SNX31: variants seen among roughly 807,000 people sequenced by gnomAD.
SNX31 encodes sorting nexin 31, also known as sorting nexin-31.
A neutral mutation model predicts 65.4 loss-of-function variants in SNX31; 58 were observed. The observed-to-expected ratio is 0.89, with a 90% CI of 0.72 to 1.10. SNX31 has a LOEUF of 1.10. SNX31 is among the 50% of genes least tolerant of loss of function. The probability of loss-of-function intolerance (pLI) is 0.00; values close to 1 mark genes in which losing one functional copy is unlikely to be tolerated. For missense variants in SNX31, 523 were observed against 529.7 expected, an observed-to-expected ratio of 0.99 and a Z score of 0.12; for synonymous variants, 181 against 190.1, an observed-to-expected ratio of 0.95 and a Z score of 0.39.
intron 10 of SNX31, among the ~76,000 whole-genome samples, chr8:100,595,131 A>T (rs1259589701): frequency 6.6e-6 from 1 of 152,172 alleles, no homozygotes; most frequent in Non-Finnish European, 1.5e-5. Context: ...ACCAAGATAG[A>T]TCAAATTTGG....
rs1488242201 is a variant in SNX31, at chr8:100,649,630, A to G, written c.-116T>C. 2 of 1,011,626 alleles carry G rather than the reference A, an allele frequency of 2.0e-6. No homozygotes were observed. Among genetic ancestry groups the G allele is most frequent in the Non-Finnish European group, 2.8e-6 (2 of 708,486 alleles). The allele number at this position is 1,011,626 out of a possible 1,614,324, so 62.7% of individuals were successfully genotyped here. ...GCGGCCTGCCACGCGACTCAGAGCG[A>G]ACCCCGGCGCCCGCTCTCGCCGGCC... On this transcript the variant is annotated 5_prime_UTR_variant, in exon 1 of 14. Transcript: ENST00000311812.
rs952381677 is a variant in SNX31 at position 100,613,145 on chromosome 8, T to A, written c.433-60A>T. 7.5e-7 allele frequency: 1 copy of A among 1,336,842 alleles called. No individual in the cohort carries two copies. The highest frequency in any genetic ancestry group is 1.4e-5 in the African/African-American group (1 of 69,320). The allele number at this position is 1,336,842 out of a possible 1,614,324, so 82.8% of individuals were successfully genotyped here. ...AGGTGTGCCCACCATGCATCCTAACTGTGACATGCAGACTTGGAAATGGCC... is the reference window on the plus strand; with the variant it reads ...AGGTGTGCCCACCATGCATCCTAACAGTGACATGCAGACTTGGAAATGGCC... On this transcript the variant is annotated intron_variant, in intron 5 of 13. Transcript: ENST00000311812. The surrounding 1 kb of genome is among the most constrained non-coding windows in gnomAD (Gnocchi z 5.2).
chr8:100,642,697 T>C (rs1819341583), intron 2 of SNX31, among the ~76,000 whole-genome samples: 2 of 152,218 alleles, frequency 1.3e-5, no homozygotes, highest in Non-Finnish European at 2.9e-5. Context: ...TGGGTCTCAG[T>C]ACACAGTTGA....
upstream of SNX31, among the ~76,000 whole-genome samples, chr8:100,653,452 G>A (rs1563593495): frequency 6.6e-6 from 1 of 152,160 alleles, no homozygotes; most frequent in Non-Finnish European, 1.5e-5. Context: ...TCCAATTAGC[G>A]TATCCTTATA....
chr8:100,584,037 TG>T (rs777901892), intron 12 of SNX31, 73 bp downstream of exon 12: 72 of 1,356,480 alleles, frequency 5.3e-5, no homozygotes, highest in Non-Finnish European at 7.2e-5. Flanking sequence ...AGCTCATGAG[TG>T]TAGTTTGGTC....
chr8:100,617,641 G>A lies in SNX31; in HGVS notation c.411C>T (p.Asp137=). The part of the protein sequence containing the change: ...QSIRIEIITS[D]TAERVLEVVS... ...TTACCTCTAGGACTCTTTCAGCAGTGTCTGATGTTATAATTTCGATTCTAA... is the reference window on the plus strand; with the variant it reads ...TTACCTCTAGGACTCTTTCAGCAGTATCTGATGTTATAATTTCGATTCTAA... The change falls in exon 5 of 14, where the codon GAC becomes GAT. Residue 137 remains aspartate (D), a synonymous_variant. Transcript: ENST00000311812. 1 of 1,611,428 alleles carries A rather than the reference G, an allele frequency of 6.2e-7. No individual in the cohort carries two copies.
rs773668325 is a variant in SNX31 at position 100,636,017 on chromosome 8, A to C, written c.142-6T>G. On this transcript the variant is annotated splice_region_variant and splice_polypyrimidine_tract_variant and intron_variant, in intron 2 of 13. Coordinates refer to ENST00000311812, the MANE Select transcript of SNX31 (RefSeq NM_152628.4). ...TTTCCAAAGACCCGCCTTAGCTGAAAGATCCAGGAAACACAGTTAAGGCAG... is the reference window on the plus strand; with the variant it reads ...TTTCCAAAGACCCGCCTTAGCTGAACGATCCAGGAAACACAGTTAAGGCAG... 7 of 1,610,086 alleles carry C rather than the reference A, an allele frequency of 4.3e-6. No homozygotes were observed. In the Admixed American group the frequency reaches 1.2e-4, roughly 27 times the overall value.
intron 9 of SNX31, among the ~76,000 whole-genome samples, chr8:100,598,894 A>G (rs566301482): frequency 6.6e-6 from 1 of 152,202 alleles, no homozygotes; most frequent in Non-Finnish European, 1.5e-5. Context: ...CTGTGTGCCA[A>G]TAAAACTTTA....
intron 4 of SNX31, among the ~76,000 whole-genome samples, chr8:100,620,955 T>C (rs1334918469): frequency 6.6e-6 from 1 of 151,802 alleles, no homozygotes; most frequent in East Asian, 1.9e-4. Context: ...CTATCTCTAC[T>C]AAAAGAAAAA....
rs559315621 is a variant in SNX31, at chr8:100,630,099, A to C, written c.321+228T>G. Among the ~76,000 whole-genome samples the C allele has an allele frequency of 2.0e-5, 3 of 152,358 alleles. No individual in the cohort carries two copies. Among genetic ancestry groups the C allele is most frequent in the East Asian group, 3.9e-4 (2 of 5,194 alleles). Reference sequence around the variant, plus strand: ...ACAGAAAAAGGGATCTACTTAATAAAATGAGCCAAAGGTCAAGTGACACAC... The same window carrying C: ...ACAGAAAAAGGGATCTACTTAATAACATGAGCCAAAGGTCAAGTGACACAC... On this transcript the variant is annotated intron_variant, in intron 4 of 13. Coordinates refer to ENST00000311812, the MANE Select transcript of SNX31 (RefSeq NM_152628.4). The surrounding 1 kb of genome is among the most constrained non-coding windows in gnomAD (Gnocchi z 5.3).
At chr8:100,593,881 C>A (rs1209440470) in intron 10 of SNX31, among the ~76,000 whole-genome samples, 3 of 140,856 alleles carry the variant, frequency 2.1e-5, no homozygotes, top group African/African-American at 5.1e-5. Flanking sequence ...GCATCTATAA[C>A]AGGATTTATC....
In SNX31 at chr8:100,576,690, G is replaced by C. The variant is rs760207285; in HGVS notation, c.1227+329C>G. On this transcript the variant is annotated intron_variant, in intron 13 of 13. Coordinates refer to ENST00000311812, the MANE Select transcript of SNX31 (RefSeq NM_152628.4). The surrounding 1 kb of genome is among the most constrained non-coding windows in gnomAD (Gnocchi z 4.8). ...CAGAGTATACTGCAGAAAACTATGA[G>C]ACCAAAATATACTAGATATGTAACA... 2.0e-5 allele frequency among the ~76,000 whole-genome samples: 3 copies of C among 152,010 alleles called. No individual in the cohort carries two copies. The highest frequency in any genetic ancestry group is 4.8e-5 in the African/African-American group (2 of 41,358).
rs148495785 is a variant in SNX31, at chr8:100,593,194, A to G, written c.978+3445T>C. ...GTGAATTGTATGGTATGTGAATTAT[A>G]TCTCAATAAAGCCGTTATAAAGAAA... is the stretch of plus-strand genomic sequence containing the variant. On this transcript the variant is annotated intron_variant, in intron 10 of 13. Transcript: ENST00000311812. Among the ~76,000 whole-genome samples the G allele has an allele frequency of 4.2e-3, 639 of 152,322 alleles. 4 individuals carry two copies. The highest frequency in any genetic ancestry group is 0.014 in the African/African-American group (571 of 41,548).
At chr8:100,616,936 G>C (rs1002794244) in intron 5 of SNX31, among the ~76,000 whole-genome samples, 1 of 152,144 alleles carries the variant, frequency 6.6e-6, no homozygotes, top group East Asian at 1.9e-4. Context: ...TGGAGGATTA[G>C]AGCTAAAACC....
chr8:100,602,601 T>G (rs1815745154), intron 8 of SNX31, among the ~76,000 whole-genome samples: 1 of 152,186 alleles, frequency 6.6e-6, no homozygotes, highest in African/African-American at 2.4e-5. Context: ...AGAACAAGTA[T>G]AACAATATGC....
At chr8:100,623,921 A>G (rs1156768885) in intron 4 of SNX31, among the ~76,000 whole-genome samples, 2 of 151,594 alleles carry the variant, frequency 1.3e-5, no homozygotes, top group Non-Finnish European at 2.9e-5. Context: ...TGCTATAGGT[A>G]CGGAAGGAGT....
rs1472689972 is a variant in SNX31 at position 100,629,300 on chromosome 8, T to G, written c.321+1027A>C. On this transcript the variant is annotated intron_variant, in intron 4 of 13. Transcript: ENST00000311812. The surrounding 1 kb of genome is among the most constrained non-coding windows in gnomAD (Gnocchi z 5.1). The stretch of plus-strand genomic sequence containing the variant: ...AGGGGGATCATAAGGGAAGAAAAGT[T>G]ACTTTTCATTGTATACGCTTGGCTA... 6.6e-6 allele frequency among the ~76,000 whole-genome samples: 1 copy of G among 152,328 alleles called. No individual in the cohort carries two copies. The highest frequency in any genetic ancestry group is 2.4e-5 in the African/African-American group (1 of 41,566).
upstream of SNX31, among the ~76,000 whole-genome samples, chr8:100,651,992 T>C (rs1179630466): frequency 6.6e-6 from 1 of 152,184 alleles, no homozygotes; most frequent in Non-Finnish European, 1.5e-5. Flanking sequence ...ATTCTTTTTT[T>C]TTTTGAAACA....
rs1475977713 is a variant in SNX31, at chr8:100,613,194, G to C, written c.433-109C>G. 1.2e-6 allele frequency: 1 copy of C among 829,300 alleles called. No individual in the cohort carries two copies. The highest frequency in any genetic ancestry group is 2.1e-5 in the Admixed American group (1 of 46,648). 51.4% of individuals were successfully genotyped at this position (829,300 alleles called of 1,614,324 possible). On this transcript the variant is annotated intron_variant, in intron 5 of 13. Transcript: ENST00000311812. This position sits in a 1 kb window ranked among gnomAD's most constrained non-coding sequence, Gnocchi z 5.2. ...CCGGTACACATCAATAAAAAATGCT[G>C]TCATGGGTTAGTGAACACTCAAAGA... is the stretch of plus-strand genomic sequence containing the variant.
Sources: gnomAD v4.1 joint callset for allele counts (sites outside exome capture counted in the v4.1 genomes callset) on GRCh38, gnomAD v4.1.1 for gene constraint, Gnocchi (gnomAD v3.1) non-coding constraint, MANE v1.5 for transcripts, NCBI Gene and HGNC (gene_info 2026-07-23, HGNC 2026-07-21) for gene names.